WDFY4: variants seen among roughly 807,000 people sequenced by gnomAD.
WDFY4 encodes WD repeat- and FYVE domain-containing protein 4.
Under a neutral mutation model 351.9 loss-of-function variants are expected in WDFY4, and 169 were observed. The observed-to-expected ratio is 0.48, with a 90% CI of 0.42 to 0.55. The LOEUF is 0.55. Among genes scored for constraint, WDFY4 ranks in the 20% least tolerant of loss-of-function variants. The probability of loss-of-function intolerance (pLI) is 0.00; values close to 1 mark genes in which losing one functional copy is unlikely to be tolerated. For synonymous variants in WDFY4, 1,622 were observed against 1,574.6 expected (o/e 1.03, Z -0.71); for missense variants, 3,803 against 3,935.6 (o/e 0.97, Z 0.90).
chr10:48,800,730 C>CTTTCTTTTTT (rs1555016198), intron 24 of WDFY4, among the ~76,000 whole-genome samples: 2 of 92,806 alleles, frequency 2.2e-5, no homozygotes, highest in African/African-American at 4.7e-5. Flanking sequence ...TTCATTCTTT[C>CTTTCTTTTTT]TTTTTTTTTT....
At chr10:48,740,434 C>T (rs1022898524) in intron 11 of WDFY4, among the ~76,000 whole-genome samples, 19 of 152,248 alleles carry the variant, frequency 1.2e-4, no homozygotes, top group Admixed American at 4.6e-4. Flanking sequence ...CTGCCTTAGC[C>T]TTTCCTGACC....
chr10:48,919,807 G>A (rs1027382929), intron 47 of WDFY4, among the ~76,000 whole-genome samples: 2 of 152,042 alleles, frequency 1.3e-5, no homozygotes, highest in Non-Finnish European at 2.9e-5. Flanking sequence ...ACAGATTTTT[G>A]GGGGACACAA....
chr10:48,691,317 G>A (rs758908243), intron 1 of WDFY4, among the ~76,000 whole-genome samples: 4 of 152,274 alleles, frequency 2.6e-5, no homozygotes, highest in South Asian at 4.1e-4. Context: ...CTCCCAAGGC[G>A]CAGGAGCCCA....
intron 43 of WDFY4, among the ~76,000 whole-genome samples, chr10:48,885,791 ATTGTT>A (rs1313544762): frequency 4.6e-5 from 7 of 152,076 alleles, no homozygotes; most frequent in African/African-American, 1.7e-4. Flanking sequence ...GCATCTCCTT[ATTGTT>A]TTAACATACA....
At chr10:48,922,692 T>C (rs1005284730) in intron 47 of WDFY4, among the ~76,000 whole-genome samples, 30 of 152,206 alleles carry the variant, frequency 2.0e-4, no homozygotes, top group African/African-American at 6.8e-4. Context: ...AAGCGAGGAC[T>C]GTGGTAATGG....
At chr10:48,896,804 T>G (rs1382048977) in intron 44 of WDFY4, among the ~76,000 whole-genome samples, 1 of 152,174 alleles carries the variant, frequency 6.6e-6, no homozygotes, top group Admixed American at 6.5e-5. Flanking sequence ...TGTCAGTCCC[T>G]GTGGCAGCCA....
intron 42 of WDFY4, among the ~76,000 whole-genome samples, chr10:48,875,471 G>A (rs191118186): frequency 6.6e-6 from 1 of 152,338 alleles, no homozygotes; most frequent in East Asian, 1.9e-4. Flanking sequence ...CTGGGGTGCA[G>A]TGGCATAATC....
chr10:48,804,897 T>A, intron 25 of WDFY4: 1 of 523,348 alleles, frequency 1.9e-6, no homozygotes, highest in Non-Finnish European at 2.4e-6. Flanking sequence ...TGAAGGGCCC[T>A]GCACTCCTGG....
chr10:48,886,844 A>G (rs561150258), intron 43 of WDFY4, among the ~76,000 whole-genome samples: 1 of 152,348 alleles, frequency 6.6e-6, no homozygotes, highest in African/African-American at 2.4e-5. Context: ...GTGCTAATAT[A>G]TCATTCAGTT....
At position 48,811,625 on chromosome 10, in the gene WDFY4, C is replaced by T. The variant is rs754298041; in HGVS notation, c.5131C>T (p.His1711Tyr). 6.4e-7 allele frequency: 1 copy of T among 1,551,842 alleles called. No homozygotes were observed. Among genetic ancestry groups the T allele is most frequent in the Admixed American group, 2.0e-5 (1 of 50,986 alleles). Residue 1711 changes from histidine to tyrosine, a missense_variant, in exon 30 of 62, where the codon CAC becomes TAC. Transcript: ENST00000325239. ...FRVLNDFLAHHVHIPEVYLIV... is the reference protein window; with the variant it reads ...FRVLNDFLAHYVHIPEVYLIV... ...TGTCTTGAATGACTTTCTGGCCCAC[C>T]ACGTCCACATTCCAGAGGTCTACCT...
chr10:48,966,556 G>A lies in WDFY4; in HGVS notation c.8467G>A (p.Ala2823Thr). 1 of 1,552,108 alleles carries A rather than the reference G, an allele frequency of 6.4e-7. No individual in the cohort carries two copies. The highest frequency in any genetic ancestry group is 8.7e-7 in the Non-Finnish European group (1 of 1,147,070). The part of the protein sequence containing the change: ...LFTKPHPART[A>T]AGKPLPGKDV... ...TACCAAACCTCACCCAGCCAGGACT[G>A]CAGCAGGGAAGCCTCTGCCTGGAAA... Residue 2823 changes from alanine to threonine, a missense_variant, in exon 55 of 62, where the codon GCA (alanine) becomes ACA (threonine). By Grantham distance (58) the Ala-to-Thr change is moderately conservative. Coordinates refer to ENST00000325239, the MANE Select transcript of WDFY4 (RefSeq NM_001394531.1).
chr10:48,797,557 T>C (rs1383002830), intron 24 of WDFY4, among the ~76,000 whole-genome samples: 2 of 152,080 alleles, frequency 1.3e-5, no homozygotes, highest in Admixed American at 1.3e-4. Flanking sequence ...ATTTTGAGTC[T>C]AGTCTTTGCT....
intron 7 of WDFY4, among the ~76,000 whole-genome samples, chr10:48,728,641 A>T (rs7914575): frequency 0.028 from 4,191 of 152,342 alleles, 196 homozygotes; most frequent in African/African-American, 0.096. Context: ...ATTAAATGGC[A>T]ATACCCTAGT....
At chr10:48,897,029 C>G (rs539875471) in intron 44 of WDFY4, among the ~76,000 whole-genome samples, 1 of 152,128 alleles carries the variant, frequency 6.6e-6, no homozygotes, top group African/African-American at 2.4e-5. Context: ...CAGGAACCCA[C>G]GAGGGCTCCT....
At position 48,721,193 on chromosome 10, in the gene WDFY4, G is replaced by A. The variant is rs988241426; in HGVS notation, c.350-68G>A. 16 of 1,437,122 alleles carry A rather than the reference G, an allele frequency of 1.1e-5. No individual in the cohort carries two copies. The African/African-American group carries it at 2.3e-4, about 20-fold the overall frequency. The allele number at this position is 1,437,122 out of a possible 1,614,324, so 89.0% of individuals were successfully genotyped here. ...TCAGGCACATCTCCTGGGAAGAGGG[G>A]GCCCTGGATGGAGGGGAAGCTGAGT... On this transcript the variant is annotated intron_variant, in intron 3 of 61. Coordinates refer to ENST00000325239, the MANE Select transcript of WDFY4 (RefSeq NM_001394531.1).
At chr10:48,739,123 T>A (rs1169727485) in intron 11 of WDFY4, among the ~76,000 whole-genome samples, 1 of 152,252 alleles carries the variant, frequency 6.6e-6, no homozygotes, top group Non-Finnish European at 1.5e-5. Flanking sequence ...GCTGTTCAAC[T>A]CTGAGCTTAA....
intron 13 of WDFY4, among the ~76,000 whole-genome samples, chr10:48,772,792 C>T (rs1369797619): frequency 4.0e-5 from 6 of 149,128 alleles, no homozygotes; most frequent in East Asian, 2.0e-4. Flanking sequence ...TGAGAATATG[C>T]GGTGTTTGGT....
intron 19 of WDFY4, 75 bp downstream of exon 19, chr10:48,780,194 C>T: frequency 6.7e-7 from 1 of 1,491,024 alleles, no homozygotes; most frequent in South Asian, 1.3e-5. Context: ...GCCTCGGTTT[C>T]ATTCTATGTT....
chr10:48,834,445 C>G (rs2068307818), intron 39 of WDFY4, among the ~76,000 whole-genome samples: 1 of 152,174 alleles, frequency 6.6e-6, no homozygotes. Context: ...ATGTGGAGCC[C>G]TTGGAAGCTG....
Sources: allele counts gnomAD v4.1 joint callset (sites outside exome capture counted in the v4.1 genomes callset), GRCh38; gene constraint gnomAD v4.1.1; transcripts MANE v1.5; gene names NCBI Gene and HGNC (gene_info 2026-07-23, HGNC 2026-07-21).